The following RFX7 variants were observed in gnomAD, a reference collection of about 807,000 sequenced individuals.
RFX7 encodes the protein DNA-binding protein RFX7.
RFX7 carries 26 observed loss-of-function variants against 111.8 expected under a neutral mutation model. The ratio of observed to expected loss-of-function variants is 0.23; its 90% CI spans 0.17 to 0.32. RFX7 has a LOEUF of 0.32. Ranked by LOEUF, RFX7 falls within the 10% of genes least tolerant of loss-of-function variation. The pLI is 1.00. For synonymous variants in RFX7, 624 were observed against 624.4 expected, an observed-to-expected ratio of 1.00 and a Z score of 0.01; for missense variants, 1,573 against 1,772.9, an observed-to-expected ratio of 0.89 and a Z score of 2.02.
intron 6 of RFX7, among the ~76,000 whole-genome samples, chr15:56,102,622 G>A (rs1483291372): frequency 6.6e-6 from 1 of 152,138 alleles, no homozygotes; most frequent in Non-Finnish European, 1.5e-5. Context: ...CCAGGGCTCT[G>A]GGACAAAAAC....
chr15:56,173,766 C>T (rs887048067), intron 3 of RFX7, among the ~76,000 whole-genome samples: 1 of 151,602 alleles, frequency 6.6e-6, no homozygotes, highest in African/African-American at 2.4e-5. Context: ...GCATTGCAGC[C>T]CGGACAACAA....
intron 5 of RFX7, among the ~76,000 whole-genome samples, chr15:56,109,432 A>G (rs1204827265): frequency 4.0e-5 from 6 of 151,688 alleles, no homozygotes; most frequent in African/African-American, 1.5e-4. Context: ...TTGGCCTCCC[A>G]AAGTGCCGAG....
At chr15:56,185,748 T>A (rs1386336683) in intron 2 of RFX7, among the ~76,000 whole-genome samples, 1 of 152,200 alleles carries the variant, frequency 6.6e-6, no homozygotes, top group African/African-American at 2.4e-5. Context: ...TTACTACTGA[T>A]GAGAAGTTTG....
intron 5 of RFX7, among the ~76,000 whole-genome samples, chr15:56,128,322 A>G (rs2042171114): frequency 6.6e-6 from 1 of 152,242 alleles, no homozygotes; most frequent in Non-Finnish European, 1.5e-5. Context: ...CCTCAGATGC[A>G]AAAATCCTTA....
At chr15:56,190,631 GGT>G (rs2043090695) in intron 2 of RFX7, among the ~76,000 whole-genome samples, 2 of 152,200 alleles carry the variant, frequency 1.3e-5, no homozygotes, top group South Asian at 2.1e-4. Flanking sequence ...CTGGACTAAC[GGT>G]ATCAGTATTC....
intron 5 of RFX7, among the ~76,000 whole-genome samples, chr15:56,114,256 A>C (rs1206391345): frequency 1.3e-5 from 2 of 151,752 alleles, no homozygotes; most frequent in Non-Finnish European, 2.9e-5. Context: ...ATACAGAAAA[A>C]AAAAATTAAC....
intron 3 of RFX7, among the ~76,000 whole-genome samples, chr15:56,169,184 A>G (rs1397946941): frequency 1.3e-5 from 2 of 152,316 alleles, no homozygotes; most frequent in African/African-American, 4.8e-5. Context: ...AGGCCTGGAG[A>G]GGGAGGGAGC....
intron 2 of RFX7, among the ~76,000 whole-genome samples, chr15:56,241,487 A>G (rs2043688531): frequency 6.6e-6 from 1 of 152,164 alleles, no homozygotes; most frequent in South Asian, 2.1e-4. Context: ...ATTTTAGTCC[A>G]TTAACTTGGA....
intron 8 of RFX7, among the ~76,000 whole-genome samples, chr15:56,099,375 C>T (rs761378121): frequency 7.2e-5 from 11 of 152,178 alleles, no homozygotes; most frequent in South Asian, 2.1e-4. Context: ...TGATGAGGAT[C>T]TGTTGAACCC....
intron 5 of RFX7, among the ~76,000 whole-genome samples, chr15:56,139,591 C>T (rs149591787): frequency 0.013 from 1,910 of 152,234 alleles, 53 homozygotes; most frequent in African/African-American, 0.044. Flanking sequence ...GTAATTTGAT[C>T]GTCTGAAGCC....
At chr15:56,157,526 G>T (rs1450793111) in intron 3 of RFX7, among the ~76,000 whole-genome samples, 1 of 152,258 alleles carries the variant, frequency 6.6e-6, no homozygotes, top group African/African-American at 2.4e-5. Flanking sequence ...CCACTTTTAT[G>T]TTCAGCATAT....
At chr15:56,188,112 A>G (rs1283083726) in intron 2 of RFX7, among the ~76,000 whole-genome samples, 1 of 152,178 alleles carries the variant, frequency 6.6e-6, no homozygotes, top group African/African-American at 2.4e-5. Context: ...CTCAGCTGAA[A>G]AATGGAAGTT....
At chr15:56,175,174 T>A (rs1480034369) in intron 3 of RFX7, among the ~76,000 whole-genome samples, 1 of 152,144 alleles carries the variant, frequency 6.6e-6, no homozygotes, top group East Asian at 1.9e-4. Context: ...ATAACAAAAA[T>A]TTTTAAATGC....
At chr15:56,195,023 A>G (rs1029532214) in intron 2 of RFX7, among the ~76,000 whole-genome samples, 8 of 152,172 alleles carry the variant, frequency 5.3e-5, no homozygotes, top group Admixed American at 1.3e-4. Context: ...CCATAAGTGG[A>G]TGAATGGATA....
At position 56,087,379 on chromosome 15, in the gene RFX7, T is replaced by C. The variant is rs1338961861; in HGVS notation, c.*5966A>G. The stretch of plus-strand genomic sequence containing the variant: ...GGCATCTTCCCTTCCAAAGTCATCA[T>C]GCCCTGGGCTCCTTGTATCTTGTTG... On this transcript the variant is annotated 3_prime_UTR_variant, in exon 10 of 10. Coordinates refer to ENST00000559447, the MANE Select transcript of RFX7 (RefSeq NM_022841.7). 1 of 455,816 alleles carries C rather than the reference T, an allele frequency of 2.2e-6. No homozygotes were observed. The highest frequency in any genetic ancestry group is 2.0e-5 in the African/African-American group (1 of 50,084). 28.2% of individuals were successfully genotyped at this position (455,816 alleles called of 1,614,324 possible).
intron 3 of RFX7, among the ~76,000 whole-genome samples, chr15:56,169,700 C>CTTTTTTTTTTTTTTTTTTTTTTTT (rs35597885): frequency 2.1e-5 from 2 of 96,870 alleles, no homozygotes; most frequent in Admixed American, 1.2e-4. Flanking sequence ...CTAGTCAGTT[C>CTTTTTTTTTTTTTTTTTTTTTTTT]TTTTTTTTTT....
chr15:56,141,733 C>G (rs992946813), intron 5 of RFX7, among the ~76,000 whole-genome samples: 1 of 142,574 alleles, frequency 7.0e-6, no homozygotes, highest in African/African-American at 2.7e-5. Flanking sequence ...ATCCTGAGAA[C>G]TTATCACAGG....
chr15:56,143,459 C>T (rs60448972), intron 4 of RFX7, among the ~76,000 whole-genome samples: 1 of 152,000 alleles, frequency 6.6e-6, no homozygotes, highest in Admixed American at 6.6e-5. Flanking sequence ...AGATCCTGAA[C>T]AGACAAATCT....
chr15:56,239,459 G>A (rs113120233), intron 2 of RFX7, among the ~76,000 whole-genome samples: 5,307 of 151,922 alleles, frequency 0.035, 316 homozygotes, highest in African/African-American at 0.12. Flanking sequence ...TAGTAGAGAC[G>A]GGGTTTCACC....
Sources: gnomAD v4.1 joint callset for allele counts (sites outside exome capture counted in the v4.1 genomes callset) on GRCh38, gnomAD v4.1.1 for gene constraint, MANE v1.5 for transcripts, NCBI Gene and HGNC (gene_info 2026-07-23, HGNC 2026-07-21) for gene names.